Variants in CCDC187 observed in about 807,000 individuals in gnomAD.
CCDC187 encodes coiled-coil domain containing 187.
Under a neutral mutation model 38.0 loss-of-function variants are expected in CCDC187, and 32 were observed. That is an observed-to-expected ratio of 0.84 (90% CI 0.64 to 1.13). The LOEUF is 1.13. Among genes scored for constraint, CCDC187 ranks in the 50% most tolerant of loss-of-function variants. The pLI is 0.00. For missense variants in CCDC187, 707 were observed against 786.8 expected, an observed-to-expected ratio of 0.90 and a Z score of 1.21; for synonymous variants, 333 against 347.9, an observed-to-expected ratio of 0.96 and a Z score of 0.48.
intron 9 of CCDC187, among the ~76,000 whole-genome samples, chr9:136,282,849 C>CT (rs1831079420): frequency 1.3e-5 from 2 of 152,242 alleles, no homozygotes; most frequent in African/African-American, 4.8e-5. Context: ...GAGCACAGGC[C>CT]TGGAGAAGTG....
rs544924651 is a variant in CCDC187, at chr9:136,259,399, G to C, written c.4260C>G (p.Ser1420Arg). 1 of 985,318 alleles carries C rather than the reference G, an allele frequency of 1.0e-6. No individual in the cohort carries two copies. Among genetic ancestry groups the C allele is most frequent in the African/African-American group, 1.7e-5 (1 of 57,212 alleles). The allele number at this position is 985,318 out of a possible 1,614,324, so 61.0% of individuals were successfully genotyped here. Residue 1420 changes from serine (S) to arginine (R), a missense_variant, in exon 21 of 26, where the codon AGC becomes AGG. Transcript: ENST00000638797. ...RAPLLGLQHV[S>R]PPDGQRLGPA... ...GGCCCAGCCGCTGTCCGTCCGGGGGGCTCACGTGCTGCAGGCCCAGCAGAG... is the reference window on the plus strand; with the variant it reads ...GGCCCAGCCGCTGTCCGTCCGGGGGCCTCACGTGCTGCAGGCCCAGCAGAG...
At position 136,253,373 on chromosome 9, in the gene CCDC187, C is replaced by G. The variant is rs1830572597; in HGVS notation, c.*221G>C. 6.4e-6 allele frequency: 1 copy of G among 155,140 alleles called. No homozygotes were observed. Among genetic ancestry groups the G allele is most frequent in the Non-Finnish European group, 1.4e-5 (1 of 70,682 alleles). 9.6% of individuals were successfully genotyped at this position (155,140 alleles called of 1,614,324 possible). On this transcript the variant is annotated 3_prime_UTR_variant, in exon 26 of 26. Transcript: ENST00000638797. ...TGCCAACAGCCCTGACAGACCTTCC[C>G]TGGCCACAGAGGCCACTCTGGATGG...
At chr9:136,304,497 C>G (rs1450789456), upstream of CCDC187, among the ~76,000 whole-genome samples, 1 of 152,210 alleles carries the variant, frequency 6.6e-6, no homozygotes, top group Non-Finnish European at 1.5e-5. Context: ...CCAGAAGACA[C>G]CCTTTGCCCA....
chr9:136,290,696 C>A lies in CCDC187; in HGVS notation c.1917G>T (p.Leu639Phe). ...LLGPSHSSESLREFMRQKAQA... is the reference protein window; with the variant it reads ...LLGPSHSSESFREFMRQKAQA... ...GCGCCTTCTGGCGCATGAACTCCCGCAAGGACTCAGAGCTGTGCGAGGGTC... is the reference window on the plus strand; with the variant it reads ...GCGCCTTCTGGCGCATGAACTCCCGAAAGGACTCAGAGCTGTGCGAGGGTC... Residue 639 changes from leucine to phenylalanine, a missense_variant, in exon 6 of 26, where the codon TTG (leucine) becomes TTT (phenylalanine). Transcript: ENST00000638797. 1 of 398,594 alleles carries A rather than the reference C, an allele frequency of 2.5e-6. No individual in the cohort carries two copies. The highest frequency in any genetic ancestry group is 3.6e-5 in the East Asian group (1 of 28,064). 24.7% of individuals were successfully genotyped at this position (398,594 alleles called of 1,614,324 possible). A position where few individuals can be genotyped will look rare whatever the true frequency, so the allele number is the denominator to read the frequency against.
intron 7 of CCDC187, among the ~76,000 whole-genome samples, chr9:136,287,947 C>T (rs1334197064): frequency 6.6e-6 from 1 of 152,218 alleles, no homozygotes; most frequent in Non-Finnish European, 1.5e-5. Context: ...CCTCCCACCT[C>T]AGCCTCCCAA....
chr9:136,290,913 G>C lies in CCDC187; in HGVS notation c.1700C>G (p.Pro567Arg), dbSNP rs1231957270. ...RLRNPLERPS[P>R]PAQRPWSSSG... ...GCTGCTCCAGGGCCGCTGGGCTGGAGGACTGGGCCTTTCCAGAGGGTTCCG... is the reference window on the plus strand; with the variant it reads ...GCTGCTCCAGGGCCGCTGGGCTGGACGACTGGGCCTTTCCAGAGGGTTCCG... The change falls in exon 6 of 26, where the codon CCT becomes CGT. Residue 567 changes from proline to arginine, a missense_variant. Pro to Arg is a moderately radical substitution (Grantham distance 103). Transcript: ENST00000638797. 2.5e-6 allele frequency: 1 copy of C among 398,650 alleles called. No individual in the cohort carries two copies. The highest frequency in any genetic ancestry group is 4.4e-6 in the Non-Finnish European group (1 of 226,102). The allele number at this position is 398,650 out of a possible 1,614,324, so 24.7% of individuals were successfully genotyped here.
Position 136,253,929 on chromosome 9 carries a change from C to A in CCDC187, c.5899G>T (p.Gly1967Trp). The part of the protein sequence containing the change: ...ESRAPGPGGN[G>W]APTVLEEACP... ...GCTTCCTCCAGGACAGTGGGGGCCC[C>A]ATTCCCACCAGGCCCAGGCGCCCGG... The change falls in exon 26 of 26, where the codon GGG (glycine) becomes TGG (tryptophan). Residue 1967 changes from glycine to tryptophan, a missense_variant. Transcript: ENST00000638797. 5 of 985,536 alleles carry A rather than the reference C, an allele frequency of 5.1e-6. No individual in the cohort carries two copies. The highest frequency in any genetic ancestry group is 6.0e-6 in the Non-Finnish European group (5 of 830,022). 61.0% of individuals were successfully genotyped at this position (985,536 alleles called of 1,614,324 possible).
chr9:136,292,499 C>T (rs886804255), intron 4 of CCDC187, among the ~76,000 whole-genome samples: 5 of 152,302 alleles, frequency 3.3e-5, no homozygotes, highest in South Asian at 2.1e-4. Context: ...AGTCTCAGGG[C>T]GGCCATGGGC....
At position 136,281,881 on chromosome 9, in the gene CCDC187, G is replaced by A. The variant is rs1178269874; in HGVS notation, c.2928-218C>T. Reference sequence around the variant, plus strand: ...TGGGAGCCAGGAGGCAGGGGTGAGCGGGAGGCAGGGGTGAGTGGGTGGGGC... The same window carrying A: ...TGGGAGCCAGGAGGCAGGGGTGAGCAGGAGGCAGGGGTGAGTGGGTGGGGC... On this transcript the variant is annotated intron_variant, in intron 9 of 25. Transcript: ENST00000638797. Among the ~76,000 whole-genome samples, 5 of 152,116 alleles carry A rather than the reference G, an allele frequency of 3.3e-5. No individual in the cohort carries two copies. The South Asian group carries it at 1.0e-3, about 32-fold the overall frequency.
chr9:136,290,954 G>T lies in CCDC187; in HGVS notation c.1659C>A (p.Asp553Glu), dbSNP rs1414852206. 5.0e-6 allele frequency: 2 copies of T among 398,728 alleles called. No homozygotes were observed. The highest frequency in any genetic ancestry group is 8.8e-6 in the Non-Finnish European group (2 of 226,158). 24.7% of individuals were successfully genotyped at this position (398,728 alleles called of 1,614,324 possible). The change falls in exon 6 of 26, where the codon GAC becomes GAA. Residue 553 changes from aspartate to glutamate, a missense_variant. Coordinates refer to ENST00000638797, the MANE Select transcript of CCDC187 (RefSeq NM_001378188.1). ...GAGGGTTCCGCAGTCTGGGGCCAGG[G>T]TCCTCCCAGGTTTCACAGGCAGTCC... ...RAWTACETWE[D>E]PGPRLRNPLE... is the part of the protein sequence containing the mutation.
chr9:136,280,415 G>A lies in CCDC187; in HGVS notation c.3040+1136C>T, dbSNP rs1025620898. ...GGGAGAGTCTCCCAGGGGAGGGGCCGGGGTGGGGAAGACGCAGACCCTTCC... is the reference window on the plus strand; with the variant it reads ...GGGAGAGTCTCCCAGGGGAGGGGCCAGGGTGGGGAAGACGCAGACCCTTCC... On this transcript the variant is annotated intron_variant, in intron 10 of 25. Coordinates refer to ENST00000638797, the MANE Select transcript of CCDC187 (RefSeq NM_001378188.1). Among the ~76,000 whole-genome samples, 487 of 152,302 alleles carry A rather than the reference G, an allele frequency of 3.2e-3. 2 individuals carry two copies. Among genetic ancestry groups the A allele is most frequent in the Non-Finnish European group, 5.3e-3 (359 of 68,010 alleles).
intron 18 of CCDC187, 107 bp from the exon 19 acceptor site, chr9:136,262,569 T>A: frequency 1.1e-6 from 1 of 916,436 alleles, no homozygotes; most frequent in Non-Finnish European, 1.3e-6. Flanking sequence ...GCTAGGGCAG[T>A]GCCGGGGCTG....
chr9:136,300,516 C>A (rs1361048317), intron 2 of CCDC187, among the ~76,000 whole-genome samples, 198 bp from the exon 3 acceptor site: 1 of 152,174 alleles, frequency 6.6e-6, no homozygotes, highest in Admixed American at 6.5e-5. Flanking sequence ...TGGGTTCAAG[C>A]GAGTCTCCTG....
chr9:136,294,287 C>T (rs1831481452), intron 4 of CCDC187, among the ~76,000 whole-genome samples: 1 of 149,696 alleles, frequency 6.7e-6, no homozygotes, highest in African/African-American at 2.6e-5. Flanking sequence ...CTCACATGTG[C>T]TCTCACTCTC....
intron 2 of CCDC187, among the ~76,000 whole-genome samples, chr9:136,300,759 G>T (rs1381682220): frequency 2.0e-5 from 3 of 152,140 alleles, no homozygotes; most frequent in Non-Finnish European, 2.9e-5. Flanking sequence ...CACAACACCT[G>T]GCTAATTTTT....
rs1229984266 is a variant in CCDC187, at chr9:136,253,708, C to T, written c.6120G>A (p.Ser2040=). 6 of 985,510 alleles carry T rather than the reference C, an allele frequency of 6.1e-6. No individual in the cohort carries two copies. Among genetic ancestry groups the T allele is most frequent in the Admixed American group, 6.1e-5 (1 of 16,286 alleles). The allele number at this position is 985,510 out of a possible 1,614,324, so 61.0% of individuals were successfully genotyped here. Residue 2040 remains serine (S), a synonymous_variant, in exon 26 of 26, where the codon TCG becomes TCA. Transcript: ENST00000638797. ...TGGCGGTGTCCTCCTCAAGGGGCCC[C>T]GAGGGCGGGGAAGGGAAGGCATCCG... ...PCSDAFPSPP[S]GPLEEDTAIT...
Position 136,258,619 on chromosome 9 carries a change from C to T in CCDC187, c.4366+313G>A. 2 of 826,940 alleles carry T rather than the reference C, an allele frequency of 2.4e-6. No homozygotes were observed. The highest frequency in any genetic ancestry group is 2.9e-6 in the Non-Finnish European group (2 of 685,142). 51.2% of individuals were successfully genotyped at this position (826,940 alleles called of 1,614,324 possible). On this transcript the variant is annotated intron_variant, in intron 22 of 25. Coordinates refer to ENST00000638797, the MANE Select transcript of CCDC187 (RefSeq NM_001378188.1). The surrounding 1 kb of genome is among the most constrained non-coding windows in gnomAD (Gnocchi z 4.3). ...CAGAAACCTCCGTCAGCTGAAGACG[C>T]TCAGGCAGTGCTGGCTTCCAAACAC...
At chr9:136,269,156 GT>G (rs1274892833) in intron 14 of CCDC187, among the ~76,000 whole-genome samples, 3 of 152,194 alleles carry the variant, frequency 2.0e-5, no homozygotes, top group Non-Finnish European at 4.4e-5. Context: ...AATGACGCCT[GT>G]TTCCAGTAGT....
At chr9:136,277,762 A>C (rs1467267028) in intron 10 of CCDC187, among the ~76,000 whole-genome samples, 1 of 152,060 alleles carries the variant, frequency 6.6e-6, no homozygotes, top group African/African-American at 2.4e-5. Context: ...GCTGCATGCA[A>C]TGGGGTCTGC....
Sources: gnomAD v4.1 joint callset for allele counts (sites outside exome capture counted in the v4.1 genomes callset) on GRCh38, gnomAD v4.1.1 for gene constraint, Gnocchi (gnomAD v3.1) non-coding constraint, MANE v1.5 for transcripts, NCBI Gene and HGNC (gene_info 2026-07-23, HGNC 2026-07-21) for gene names.